The following NKAIN2 variants were observed in gnomAD, a reference collection of about 807,000 sequenced individuals.
The protein encoded by NKAIN2 is sodium/potassium transporting ATPase interacting 2.
Under a neutral mutation model 32.6 loss-of-function variants are expected in NKAIN2, and 14 were observed. That is an observed-to-expected ratio of 0.43 (90% CI 0.28 to 0.67). The LOEUF (loss-of-function observed/expected upper bound fraction) is 0.67. Ranked by LOEUF, NKAIN2 falls within the 30% of genes least tolerant of loss-of-function variation. NKAIN2 has a pLI of 0.17. For missense variants in NKAIN2, 198 were observed against 258.3 expected, an observed-to-expected ratio of 0.77 and a Z score of 1.60; for synonymous variants, 80 against 87.2, an observed-to-expected ratio of 0.92 and a Z score of 0.46.
At chr6:124,641,880 A>T (rs913479080) in intron 3 of NKAIN2, among the ~76,000 whole-genome samples, 9 of 152,034 alleles carry the variant, frequency 5.9e-5, no homozygotes, top group Admixed American at 2.0e-4. Context: ...AGAAAGACAA[A>T]TACCACTGGC....
Position 124,081,800 on chromosome 6 carries a change from T to C in NKAIN2, c.55-201205T>C, listed in dbSNP as rs921304409. Reference sequence around the variant, plus strand: ...CTTTAGGCAATCCAGTTAAAACATGTCTTATTACAAGATGGAGAAAAAGAG... The same window carrying C: ...CTTTAGGCAATCCAGTTAAAACATGCCTTATTACAAGATGGAGAAAAAGAG... On this transcript the variant is annotated intron_variant, in intron 1 of 6. Transcript: ENST00000368417. Among the ~76,000 whole-genome samples the C allele has an allele frequency of 3.3e-5, 5 of 152,104 alleles. No individual in the cohort carries two copies. In the East Asian group the frequency reaches 7.7e-4, roughly 24 times the overall value.
At chr6:124,672,325 G>C (rs1009668761) in intron 4 of NKAIN2, among the ~76,000 whole-genome samples, 23 of 152,040 alleles carry the variant, frequency 1.5e-4, no homozygotes, top group South Asian at 4.1e-4. Context: ...GTCTACAGGA[G>C]TGTCCAATGT....
intron 1 of NKAIN2, among the ~76,000 whole-genome samples, chr6:124,272,614 C>G (rs1794845645): frequency 6.6e-6 from 1 of 152,162 alleles, no homozygotes; most frequent in Non-Finnish European, 1.5e-5. Flanking sequence ...ACACAGAGTA[C>G]CCACTGGCCC....
At chr6:124,468,604 A>G (rs1440483782) in intron 3 of NKAIN2, among the ~76,000 whole-genome samples, 2 of 152,220 alleles carry the variant, frequency 1.3e-5, no homozygotes, top group African/African-American at 4.8e-5. Flanking sequence ...GGATGCACAT[A>G]TATTTAGACT....
intron 1 of NKAIN2, among the ~76,000 whole-genome samples, chr6:123,843,384 A>G (rs899732119): frequency 2.0e-5 from 3 of 152,126 alleles, no homozygotes; most frequent in Non-Finnish European, 4.4e-5. Flanking sequence ...GGGATGAACC[A>G]TAGTCCCCAA....
At chr6:124,604,501 T>A (rs1782425359) in intron 3 of NKAIN2, among the ~76,000 whole-genome samples, 1 of 151,956 alleles carries the variant, frequency 6.6e-6, no homozygotes, top group Non-Finnish European at 1.5e-5. Flanking sequence ...TCCTTTTACT[T>A]CTTTTTGTGT....
At chr6:124,440,734 A>G (rs1007054899) in intron 3 of NKAIN2, among the ~76,000 whole-genome samples, 3 of 152,068 alleles carry the variant, frequency 2.0e-5, no homozygotes, top group Admixed American at 6.6e-5. Context: ...TAGAATGAGA[A>G]GTCCTAAGTT....
chr6:124,022,142 G>A (rs903148392), intron 1 of NKAIN2, among the ~76,000 whole-genome samples: 3 of 151,348 alleles, frequency 2.0e-5, no homozygotes, highest in African/African-American at 4.9e-5. Context: ...AGAACATGCG[G>A]TGTTTGGTTT....
At chr6:124,092,651 T>G (rs1784484646) in intron 1 of NKAIN2, among the ~76,000 whole-genome samples, 1 of 152,028 alleles carries the variant, frequency 6.6e-6, no homozygotes, top group African/African-American at 2.4e-5. Context: ...GGTTTCAGTT[T>G]TTTTTCTTGA....
intron 1 of NKAIN2, among the ~76,000 whole-genome samples, chr6:123,982,096 G>T (rs550895683): frequency 6.6e-6 from 1 of 152,058 alleles, no homozygotes; most frequent in African/African-American, 2.4e-5. Flanking sequence ...TAGAAAAAAT[G>T]TCCAGATTTC....
At chr6:124,752,807 A>T (rs577703165) in intron 4 of NKAIN2, among the ~76,000 whole-genome samples, 2 of 152,072 alleles carry the variant, frequency 1.3e-5, no homozygotes, top group African/African-American at 4.8e-5. Flanking sequence ...AAATGAATGA[A>T]TTCTATTTTT....
At chr6:124,367,902 T>A (rs534527516) in intron 3 of NKAIN2, among the ~76,000 whole-genome samples, 1 of 152,224 alleles carries the variant, frequency 6.6e-6, no homozygotes, top group South Asian at 2.1e-4. Context: ...TATTTCAAGG[T>A]TTTCAGAAAA....
intron 3 of NKAIN2, among the ~76,000 whole-genome samples, chr6:124,484,864 T>A (rs1777591336): frequency 6.6e-6 from 1 of 152,096 alleles, no homozygotes; most frequent in Non-Finnish European, 1.5e-5. Flanking sequence ...GGACTTAGCA[T>A]AAATGCCTGC....
chr6:124,601,962 A>G (rs1782324428), intron 3 of NKAIN2, among the ~76,000 whole-genome samples: 2 of 151,898 alleles, frequency 1.3e-5, no homozygotes, highest in Non-Finnish European at 2.9e-5. Context: ...TTCTTTTTTA[A>G]GTGTACACTT....
At chr6:124,425,939 G>A (rs975198261) in intron 3 of NKAIN2, among the ~76,000 whole-genome samples, 4 of 151,910 alleles carry the variant, frequency 2.6e-5, no homozygotes, top group South Asian at 2.1e-4. Context: ...ATGCATACTC[G>A]TTTAACAAGA....
At chr6:124,759,196 C>A (rs1047942449) in intron 4 of NKAIN2, among the ~76,000 whole-genome samples, 1 of 152,090 alleles carries the variant, frequency 6.6e-6, no homozygotes, top group Non-Finnish European at 1.5e-5. Flanking sequence ...GGCAGATCAT[C>A]TATGTAATCT....
intron 4 of NKAIN2, among the ~76,000 whole-genome samples, chr6:124,697,042 CATT>C: frequency 6.6e-6 from 1 of 152,024 alleles, no homozygotes; most frequent in Non-Finnish European, 1.5e-5. Flanking sequence ...TTGTTACCTC[CATT>C]ATAAAATAAA....
intron 1 of NKAIN2, among the ~76,000 whole-genome samples, chr6:123,973,627 T>G (rs188808955): frequency 8.5e-5 from 13 of 152,178 alleles, no homozygotes; most frequent in Middle Eastern, 6.8e-3. Flanking sequence ...TCCAAATTCA[T>G]AGTCCTCATT....
chr6:124,068,663 G>A (rs1371428006), intron 1 of NKAIN2, among the ~76,000 whole-genome samples: 1 of 151,880 alleles, frequency 6.6e-6, no homozygotes, highest in Non-Finnish European at 1.5e-5. Flanking sequence ...TGGTGGACAT[G>A]GGCAGTGTTG....
Sources: allele counts gnomAD v4.1 joint callset (sites outside exome capture counted in the v4.1 genomes callset), GRCh38; gene constraint gnomAD v4.1.1; transcripts MANE v1.5; gene names NCBI Gene and HGNC (gene_info 2026-07-23, HGNC 2026-07-21).